The following TRPM3 variants were observed in gnomAD, a reference collection of about 807,000 sequenced individuals.
The protein encoded by TRPM3 is transient receptor potential cation channel subfamily M member 3, also known as long transient receptor potential channel 3.
A neutral mutation model predicts 181.2 loss-of-function variants in TRPM3; 77 were observed. The observed-to-expected ratio is 0.42, with a 90% confidence interval of 0.35 to 0.51. The LOEUF is 0.51. Ranked by LOEUF, TRPM3 falls within the 20% of genes least tolerant of loss-of-function variation. TRPM3 has a pLI of 0.01. For missense variants in TRPM3, 1,759 were observed against 2,196.7 expected (o/e 0.80, Z 3.98); for synonymous variants, 745 against 796.4 (o/e 0.94, Z 1.09).
chr9:70,607,961 T>TTAAG (rs1206457325), intron 19 of TRPM3, among the ~76,000 whole-genome samples: 6 of 152,352 alleles, frequency 3.9e-5, no homozygotes, highest in East Asian at 3.9e-4. Flanking sequence ...AGCTGCCTCC[T>TTAAG]TAAGTTCGGC....
At chr9:70,695,539 C>G (rs2070099521) in intron 8 of TRPM3, among the ~76,000 whole-genome samples, 2 of 152,194 alleles carry the variant, frequency 1.3e-5, no homozygotes, top group Non-Finnish European at 2.9e-5. Context: ...TCCTTGTGCT[C>G]TGAGGCACAG....
chr9:71,310,887 T>G (rs1406960591), intron 1 of TRPM3, among the ~76,000 whole-genome samples: 1 of 152,082 alleles, frequency 6.6e-6, no homozygotes, highest in African/African-American at 2.4e-5. Flanking sequence ...CTTTTTACTA[T>G]GGAGAGAAAG....
chr9:71,128,977 C>T (rs1312098842), intron 1 of TRPM3, among the ~76,000 whole-genome samples: 2 of 152,196 alleles, frequency 1.3e-5, no homozygotes, highest in African/African-American at 4.8e-5. Flanking sequence ...TAGTGGCCAG[C>T]CCTGGGTTGG....
intron 1 of TRPM3, among the ~76,000 whole-genome samples, chr9:70,914,539 A>T (rs757805050): frequency 6.6e-6 from 1 of 152,162 alleles, no homozygotes; most frequent in Non-Finnish European, 1.5e-5. Context: ...GTAGTGTGAT[A>T]ATTAAAGGGC....
Position 71,152,324 on chromosome 9 carries a change from C to T in TRPM3, c.184-287813G>A, listed in dbSNP as rs117057136. Among the ~76,000 whole-genome samples the T allele has an allele frequency of 6.4e-4, 97 of 152,210 alleles. No homozygotes were observed. In the East Asian group the frequency reaches 0.017, roughly 27 times the overall value. On this transcript the variant is annotated intron_variant, in intron 1 of 24. Transcript: ENST00000357533. Reference sequence around the variant, plus strand: ...AAGAAAGGTGCTGAATGTTGTTTGCCTTGTACCTTGCTTCTGAGGACTTAA... The same window carrying T: ...AAGAAAGGTGCTGAATGTTGTTTGCTTTGTACCTTGCTTCTGAGGACTTAA...
In TRPM3 at chr9:70,776,443, T is replaced by G. The variant is rs1050886449; in HGVS notation, c.1148+7662A>C. 4.5e-5 allele frequency: 32 copies of G among 714,152 alleles called. 1 individual carries two copies. The African/African-American group carries it at 5.4e-4, about 12-fold the overall frequency. The allele number at this position is 714,152 out of a possible 1,614,324, so 44.2% of individuals were successfully genotyped here. On this transcript the variant is annotated intron_variant, in intron 7 of 25. Transcript: ENST00000677713. ...TCACTTCTAAATACCTTTGCTTTCC[T>G]CTTCCTTTTTTCTTTCTCTTTTTAG...
At chr9:70,794,646 G>A (rs532257845) in intron 6 of TRPM3, among the ~76,000 whole-genome samples, 1 of 152,244 alleles carries the variant, frequency 6.6e-6, no homozygotes, top group Non-Finnish European at 1.5e-5. Flanking sequence ...CTCAGTTTCT[G>A]CTTTCTAGGT....
intron 1 of TRPM3, among the ~76,000 whole-genome samples, chr9:71,205,794 A>C (rs1010597615): frequency 2.6e-5 from 4 of 152,208 alleles, no homozygotes; most frequent in Non-Finnish European, 5.9e-5. Context: ...TTCTGGCCTG[A>C]GACTGTCATC....
intron 9 of TRPM3, among the ~76,000 whole-genome samples, chr9:70,647,014 G>C (rs1049709631): frequency 6.6e-6 from 1 of 151,922 alleles, no homozygotes; most frequent in African/African-American, 2.4e-5. Flanking sequence ...TACCTGAACA[G>C]AGCAATAGCA....
intron 1 of TRPM3, among the ~76,000 whole-genome samples, chr9:71,399,138 A>G (rs2093273473): frequency 6.6e-6 from 1 of 152,204 alleles, no homozygotes; most frequent in African/African-American, 2.4e-5. Context: ...TATATAAAAA[A>G]TGACAACCTA....
intron 25 of TRPM3, among the ~76,000 whole-genome samples, chr9:70,540,461 C>T (rs1307092731): frequency 6.6e-6 from 1 of 152,150 alleles, no homozygotes; most frequent in African/African-American, 2.4e-5. Context: ...ACATCCCACC[C>T]CTGACCTTCA....
At chr9:71,208,036 G>C (rs1028254262) in intron 1 of TRPM3, among the ~76,000 whole-genome samples, 1 of 152,164 alleles carries the variant, frequency 6.6e-6, no homozygotes, top group Non-Finnish European at 1.5e-5. Flanking sequence ...AGCTGACAGA[G>C]TAGGGCCGGA....
chr9:70,603,251 T>A, intron 20 of TRPM3, 91 bp downstream of exon 20: 1 of 1,470,868 alleles, frequency 6.8e-7, no homozygotes, highest in Non-Finnish European at 9.2e-7. Context: ...CCGGCTTAAT[T>A]TGCATCCCAG....
At position 70,537,150 on chromosome 9, in the gene TRPM3, G is replaced by A; in HGVS notation, c.3963C>T (p.Phe1321=). 6.3e-7 allele frequency: 1 copy of A among 1,590,462 alleles called. No individual in the cohort carries two copies. Among genetic ancestry groups the A allele is most frequent in the Non-Finnish European group, 8.6e-7 (1 of 1,162,580 alleles). ...CAGGGTCTATACTCTCTTGGAGCTT[G>A]AAGGTGTTCCCTTCCTGGCTGTTGA... The part of the protein sequence containing the change: ...SSFNSQEGNT[F]KLQESIDPAG... The change falls in exon 26 of 26, where the codon TTC becomes TTT. Residue 1321 remains phenylalanine (F), a synonymous_variant. Transcript: ENST00000677713.
intron 1 of TRPM3, among the ~76,000 whole-genome samples, chr9:70,878,648 A>G (rs1472863922): frequency 6.6e-6 from 1 of 152,112 alleles, no homozygotes; most frequent in Non-Finnish European, 1.5e-5. Context: ...TTTTGTGGCA[A>G]CAACAAATTG....
chr9:70,793,324 C>T (rs2086006373), intron 6 of TRPM3, among the ~76,000 whole-genome samples: 2 of 151,776 alleles, frequency 1.3e-5, no homozygotes, highest in South Asian at 4.2e-4. Flanking sequence ...GGGTTTGATG[C>T]ATGTGCCTGT....
chr9:70,866,277 T>C (rs1329391860), intron 1 of TRPM3, among the ~76,000 whole-genome samples: 1 of 152,034 alleles, frequency 6.6e-6, no homozygotes, highest in East Asian at 1.9e-4. Context: ...CTTTTTGTGT[T>C]CAACTTTGGC....
chr9:70,769,815 A>G (rs2079878818), intron 7 of TRPM3, among the ~76,000 whole-genome samples: 1 of 152,090 alleles, frequency 6.6e-6, no homozygotes, highest in Non-Finnish European at 1.5e-5. Flanking sequence ...TTTATTCTGC[A>G]TGTGCCTTAA....
intron 1 of TRPM3, among the ~76,000 whole-genome samples, chr9:71,079,932 A>G (rs2063997673): frequency 6.6e-6 from 1 of 152,168 alleles, no homozygotes; most frequent in Non-Finnish European, 1.5e-5. Flanking sequence ...GGACTTTGGG[A>G]GGCCAAGGCG....
Sources: gnomAD v4.1 joint callset for allele counts (sites outside exome capture counted in the v4.1 genomes callset) on GRCh38, gnomAD v4.1.1 for gene constraint, MANE v1.5 for transcripts, NCBI Gene and HGNC (gene_info 2026-07-23, HGNC 2026-07-21) for gene names.